FAT2: variants seen among roughly 807,000 people sequenced by gnomAD.
FAT2 encodes the protein protocadherin Fat 2.
FAT2 carries 150 observed loss-of-function variants against 295.3 expected under a neutral mutation model. The ratio of observed to expected loss-of-function variants is 0.51; its 90% CI spans 0.44 to 0.58. The LOEUF is 0.58. Among genes scored for constraint, FAT2 ranks in the 20% least tolerant of loss-of-function variants. The pLI, the probability that FAT2 is intolerant of heterozygous loss-of-function variation, is 0.00. For synonymous variants in FAT2, 2,026 were observed against 2,150.3 expected (o/e 0.94, Z 1.60); for missense variants, 4,868 against 5,442.7 (o/e 0.89, Z 3.32).
intron 20 of FAT2, among the ~76,000 whole-genome samples, chr5:151,514,278 T>C (rs985719351): frequency 1.3e-5 from 2 of 152,186 alleles, no homozygotes; most frequent in African/African-American, 4.8e-5. Context: ...AATGAAATCA[T>C]TTCTTTTTAT....
chr5:151,579,899 T>C (rs1167542540), intron 1 of FAT2, among the ~76,000 whole-genome samples: 1 of 152,180 alleles, frequency 6.6e-6, no homozygotes, highest in African/African-American at 2.4e-5. Context: ...ATTCTTCTTA[T>C]GTTAAGCAGA....
chr5:151,533,421 C>T (rs1754889251), intron 13 of FAT2, among the ~76,000 whole-genome samples: 1 of 151,776 alleles, frequency 6.6e-6, no homozygotes, highest in South Asian at 2.1e-4. Context: ...CACACACACA[C>T]ACACACACAC....
rs761826978 is a variant in FAT2, at chr5:151,521,268, G to C, written c.11317+8C>G. 1 of 1,598,802 alleles carries C rather than the reference G, an allele frequency of 6.3e-7. No individual in the cohort carries two copies. The highest frequency in any genetic ancestry group is 1.1e-5 in the South Asian group (1 of 88,578). ...GCTGCTCGTCCCTAGGGAAGATGTA[G>C]TACTTACCATTGCAGGAGCAGCTCC... On this transcript the variant is annotated splice_region_variant and intron_variant, in intron 19 of 23. Transcript: ENST00000261800.
chr5:151,582,359 T>A (rs982256493), intron 1 of FAT2, among the ~76,000 whole-genome samples: 4 of 152,184 alleles, frequency 2.6e-5, no homozygotes, highest in African/African-American at 9.7e-5. Flanking sequence ...GCTGGGTCTG[T>A]CTGTGTTCTC....
At position 151,554,348 on chromosome 5, in the gene FAT2, T is replaced by C. The variant is rs2127630062; in HGVS notation, c.3945+14A>G. 1.2e-6 allele frequency: 2 copies of C among 1,604,302 alleles called. No homozygotes were observed. Among genetic ancestry groups the C allele is most frequent in the Non-Finnish European group, 1.7e-6 (2 of 1,173,472 alleles). ...TGCCACTCCTCCCTCCGTGGCTTCC[T>C]TCTGTCTGCTCACCGTTAGGATGTT... On this transcript the variant is annotated intron_variant, in intron 5 of 23. Transcript: ENST00000261800.
chr5:151,587,861 G>A (rs1229834692), intron 1 of FAT2, among the ~76,000 whole-genome samples: 1 of 152,206 alleles, frequency 6.6e-6, no homozygotes, highest in East Asian at 1.9e-4. Flanking sequence ...GGTGATGTGG[G>A]CAGTTGTGCA....
Position 151,563,425 on chromosome 5 carries a change from T to C in FAT2, c.3474A>G (p.Gln1158=), listed in dbSNP as rs770906174. The C allele has an allele frequency of 9.9e-6, 16 of 1,614,050 alleles. No individual in the cohort carries two copies. The highest frequency in any genetic ancestry group is 3.3e-5 in the Admixed American group (2 of 60,014). ...EDAPVGTSVL[Q]LDAWDPDSSS... is the part of the protein sequence containing the mutation. ...TGGAGTCTGGGTCCCAGGCATCCAG[T>C]TGAAGCACAGAGGTGCCCACGGGAG... Residue 1158 remains glutamine (Q), a synonymous_variant, in exon 3 of 24, where the codon CAA becomes CAG. Transcript: ENST00000261800.
In FAT2 at chr5:151,575,240, TTTA is replaced by T. The variant is rs1561883697; in HGVS notation, c.-20-6292_-20-6290del. On this transcript the variant is annotated intron_variant, in intron 1 of 23. Transcript: ENST00000261800. Reference sequence around the variant, plus strand: ...GGTCCCATTATTTATTAGTATTCTTTTTATTATTGATGACAAAAATTATTCTGT... The same window carrying T: ...GGTCCCATTATTTATTAGTATTCTTTTTATTGATGACAAAAATTATTCTGT... Among the ~76,000 whole-genome samples the T allele has an allele frequency of 3.9e-5, 6 of 152,390 alleles. No homozygotes were observed. In the South Asian group the frequency reaches 8.3e-4, roughly 21 times the overall value.
chr5:151,533,984 A>T (rs560732406), intron 13 of FAT2, among the ~76,000 whole-genome samples: 26 of 152,246 alleles, frequency 1.7e-4, no homozygotes. Context: ...GTTCAACTTC[A>T]CTCTTCAGAA....
rs749676556 is a variant in FAT2 at position 151,568,487 on chromosome 5, A to G, written c.445T>C (p.Ser149Pro). 2 of 1,614,054 alleles carry G rather than the reference A, an allele frequency of 1.2e-6. No homozygotes were observed. The highest frequency in any genetic ancestry group is 1.7e-6 in the Non-Finnish European group (2 of 1,180,024). Residue 149 changes from serine (S) to proline (P), a missense_variant, in exon 2 of 24, where the codon TCT becomes CCT. By Grantham distance (74) the Ser-to-Pro change is moderately conservative. Transcript: ENST00000261800. ...ATGGTGACTCTGTACGAAGGTGGAG[A>G]GAAGAGAGGCTTCAGGTCATTCTGG... Reference protein sequence around the residue: ...LDQNDLKPLFSPPSYRVTISE... With the variant: ...LDQNDLKPLFPPPSYRVTISE...
At chr5:151,563,733 G>A (rs1258244367) in intron 2 of FAT2, 94 bp from the exon 3 acceptor site, 1 of 961,228 alleles carries the variant, frequency 1.0e-6, no homozygotes. Flanking sequence ...CCGCACTGTG[G>A]AAAGGGTATT....
At chr5:151,587,793 G>A (rs1030475454) in intron 1 of FAT2, among the ~76,000 whole-genome samples, 36 of 152,308 alleles carry the variant, frequency 2.4e-4, no homozygotes, top group African/African-American at 8.7e-4. Context: ...TAACCTTTCT[G>A]AGTCTCTATT....
rs1386593012 is a variant in FAT2, at chr5:151,563,536, A to G, written c.3363T>C (p.Thr1121=). 1.9e-6 allele frequency: 3 copies of G among 1,614,168 alleles called. No individual in the cohort carries two copies. The South Asian group carries it at 3.3e-5, about 18-fold the overall frequency. ...DRGSVPLSSV[T]EVYIEVTDAN... Reference sequence around the variant, plus strand: ...CATCCGTAACCTCGATGTAGACTTCAGTTACAGAAGAGAGGGGCACAGAAC... The same window carrying G: ...CATCCGTAACCTCGATGTAGACTTCGGTTACAGAAGAGAGGGGCACAGAAC... Residue 1121 remains threonine, a synonymous_variant, in exon 3 of 24, where the codon ACT becomes ACC. Coordinates refer to ENST00000261800, the MANE Select transcript of FAT2 (RefSeq NM_001447.3).
At chr5:151,520,520 C>G (rs578261887) in intron 19 of FAT2, among the ~76,000 whole-genome samples, 2 of 152,302 alleles carry the variant, frequency 1.3e-5, no homozygotes, top group Admixed American at 1.3e-4. Context: ...GTACAGCAGG[C>G]TCCCTATAGC....
At chr5:151,520,702 T>C (rs1753363465) in intron 19 of FAT2, among the ~76,000 whole-genome samples, 1 of 151,928 alleles carries the variant, frequency 6.6e-6, no homozygotes, top group Admixed American at 6.6e-5. Flanking sequence ...GCTCAGAGGG[T>C]TTTAACAATA....
intron 9 of FAT2, among the ~76,000 whole-genome samples, chr5:151,547,388 C>T (rs1756744837): frequency 6.6e-6 from 1 of 152,112 alleles, no homozygotes; most frequent in South Asian, 2.1e-4. Context: ...TCTCCATGCC[C>T]AATAATCTTT....
At position 151,566,507 on chromosome 5, in the gene FAT2, T is replaced by C. The variant is rs1312888560; in HGVS notation, c.2425A>G (p.Asn809Asp). The C allele has an allele frequency of 1.9e-6, 3 of 1,613,934 alleles. No homozygotes were observed. Among genetic ancestry groups the C allele is most frequent in the Admixed American group, 1.7e-5 (1 of 59,994 alleles). Reference protein sequence around the residue: ...QKSSWKLLTVNVKDWNDNAPR... With the variant: ...QKSSWKLLTVDVKDWNDNAPR... ...GCGTTGTCATTCCAGTCTTTCACAT[T>C]CACTGTCAGCAGCTTCCAGGAGGAC... Residue 809 changes from asparagine (N) to aspartate (D), a missense_variant, in exon 2 of 24, where the codon AAT becomes GAT. Asn to Asp is a conservative substitution (Grantham distance 23). Around this residue, in one of 5 missense-constraint regions of FAT2, gnomAD observed 3,297 missense variants for 3,669.4 expected, o/e 0.90. Coordinates refer to ENST00000261800, the MANE Select transcript of FAT2 (RefSeq NM_001447.3).
At position 151,565,978 on chromosome 5, in the gene FAT2, C is replaced by G. The variant is rs756538355; in HGVS notation, c.2954G>C (p.Arg985Thr). The G allele has an allele frequency of 1.9e-6, 3 of 1,614,012 alleles. No individual in the cohort carries two copies. Among genetic ancestry groups the G allele is most frequent in the African/African-American group, 2.7e-5 (2 of 74,942 alleles). ...AGCTCGCCTCTCAAAGTCCAGCTCT[C>G]TCTCCAGAATGAGCGCCCCTGTCAT... ...DLMTGALILE[R>T]ELDFERRAGY... Residue 985 changes from arginine (R) to threonine (T), a missense_variant, in exon 2 of 24, where the codon AGA becomes ACA. Transcript: ENST00000261800.
At chr5:151,522,227 G>GAA (rs5872209) in intron 18 of FAT2, 141 bp from the exon 19 acceptor site, 13,712 of 517,956 alleles carry the variant, frequency 0.026, no homozygotes, top group South Asian at 0.079. Context: ...GTTGCATTTA[G>GAA]AAAAAAAAAA....
Sources: allele counts gnomAD v4.1 joint callset (sites outside exome capture counted in the v4.1 genomes callset), GRCh38; gene constraint gnomAD v4.1.1; regional missense constraint gnomAD v4.1.1; transcripts MANE v1.5; gene names NCBI Gene and HGNC (gene_info 2026-07-23, HGNC 2026-07-21).